The following RABGAP1L variants were observed in gnomAD, a reference collection of about 807,000 sequenced individuals.
The protein encoded by RABGAP1L is rab GTPase-activating protein 1-like.
RABGAP1L carries 63 observed loss-of-function variants against 137.7 expected under a neutral mutation model. The ratio of observed to expected loss-of-function variants is 0.46; its 90% CI spans 0.37 to 0.56. RABGAP1L has a LOEUF of 0.56. Among genes scored for constraint, RABGAP1L ranks in the 20% least tolerant of loss-of-function variants. RABGAP1L has a pLI of 0.00. For missense variants in RABGAP1L, 1,095 were observed against 1,244.0 expected, an observed-to-expected ratio of 0.88 and a Z score of 1.80; for synonymous variants, 431 against 433.7, an observed-to-expected ratio of 0.99 and a Z score of 0.08.
chr1:174,538,833 T>C (rs537833470), intron 13 of RABGAP1L, among the ~76,000 whole-genome samples: 83 of 152,320 alleles, frequency 5.4e-4, no homozygotes, highest in African/African-American at 1.9e-3. Context: ...TATACATGTT[T>C]ATGTATATGT....
chr1:174,917,973 T>C (rs1417934118), intron 19 of RABGAP1L, among the ~76,000 whole-genome samples: 1 of 150,932 alleles, frequency 6.6e-6, no homozygotes, highest in Non-Finnish European at 1.5e-5. Flanking sequence ...TGTATACGTG[T>C]ATTGAGTGCC....
intron 17 of RABGAP1L, among the ~76,000 whole-genome samples, chr1:174,731,929 G>A (rs1449267511): frequency 5.3e-5 from 8 of 152,226 alleles, no homozygotes; most frequent in African/African-American, 1.4e-4. Context: ...TGGGCTGGGC[G>A]TGGTGGTTCA....
intron 11 of RABGAP1L, among the ~76,000 whole-genome samples, chr1:174,331,256 C>A (rs1558138997): frequency 6.6e-6 from 1 of 152,172 alleles, no homozygotes; most frequent in Non-Finnish European, 1.5e-5. Context: ...AGGAGAAACA[C>A]TGTAAGTGAT....
At chr1:174,894,486 C>A (rs951317754) in intron 19 of RABGAP1L, among the ~76,000 whole-genome samples, 1 of 152,172 alleles carries the variant, frequency 6.6e-6, no homozygotes, top group Admixed American at 6.5e-5. Context: ...CAATGACTAC[C>A]TTTTGTAGTG....
In RABGAP1L at chr1:174,948,957, A is replaced by G. The variant is rs537253054; in HGVS notation, c.2341-8500A>G. Reference sequence around the variant, plus strand: ...AAATAAATTAGCCACCTGTACTACAATAAGCACAAATATTTTTTAAAAGAT... The same window carrying G: ...AAATAAATTAGCCACCTGTACTACAGTAAGCACAAATATTTTTTAAAAGAT... On this transcript the variant is annotated intron_variant, in intron 19 of 25. Coordinates refer to ENST00000681986, the MANE Select transcript of RABGAP1L (RefSeq NM_001366446.1). 3 of 152,360 alleles carry G rather than the reference A, an allele frequency of 2.0e-5. No individual in the cohort carries two copies. In the East Asian group the frequency reaches 5.8e-4, roughly 29 times the overall value. The allele number at this position is 152,360 out of a possible 1,614,324, so 9.4% of individuals were successfully genotyped here. A position where few individuals can be genotyped will look rare whatever the true frequency, so the allele number is the denominator to read the frequency against.
chr1:174,823,213 A>G (rs769143228), intron 19 of RABGAP1L, among the ~76,000 whole-genome samples: 1 of 152,166 alleles, frequency 6.6e-6, no homozygotes, highest in African/African-American at 2.4e-5. Context: ...TCAAAACCTA[A>G]TGATTATGCT....
chr1:174,190,288 C>G (rs1263842552), intron 1 of RABGAP1L, among the ~76,000 whole-genome samples: 1 of 127,732 alleles, frequency 7.8e-6, no homozygotes, highest in Admixed American at 9.4e-5. Flanking sequence ...GGTGACAGAG[C>G]GAGACTCCGT....
intron 19 of RABGAP1L, among the ~76,000 whole-genome samples, chr1:174,890,304 T>A (rs1655913137): frequency 6.6e-6 from 1 of 152,214 alleles, no homozygotes; most frequent in Non-Finnish European, 1.5e-5. Flanking sequence ...TTGCACCCTG[T>A]GAACTAACTG....
At chr1:174,375,078 G>T (rs1002638581) in intron 12 of RABGAP1L, among the ~76,000 whole-genome samples, 6 of 152,026 alleles carry the variant, frequency 3.9e-5, no homozygotes, top group African/African-American at 1.4e-4. Flanking sequence ...GGGAAAGGAA[G>T]TAGAGACAGA....
chr1:174,769,560 CG>C (rs1685949173), intron 18 of RABGAP1L, among the ~76,000 whole-genome samples: 1 of 152,092 alleles, frequency 6.6e-6, no homozygotes, highest in South Asian at 2.1e-4. Context: ...TTTACAAGGT[CG>C]GTTGAGTTTT....
chr1:174,425,501 C>G (rs1651846211), intron 13 of RABGAP1L, among the ~76,000 whole-genome samples: 1 of 151,990 alleles, frequency 6.6e-6, no homozygotes, highest in Admixed American at 6.6e-5. Flanking sequence ...ATATTTGCAA[C>G]AAGTGAATTT....
chr1:174,916,641 T>C (rs1409584097), intron 19 of RABGAP1L, among the ~76,000 whole-genome samples: 1 of 152,188 alleles, frequency 6.6e-6, no homozygotes, highest in African/African-American at 2.4e-5. Context: ...GTATACACAA[T>C]CCAAATTTGA....
chr1:174,392,522 A>G (rs984931134), intron 12 of RABGAP1L, among the ~76,000 whole-genome samples: 8 of 152,352 alleles, frequency 5.3e-5, no homozygotes, highest in Admixed American at 2.6e-4. Context: ...CTCTAACCCA[A>G]CAATACAAAA....
At chr1:174,893,108 T>C in intron 19 of RABGAP1L, 1 of 351,766 alleles carries the variant, frequency 2.8e-6, no homozygotes. Flanking sequence ...GGTGACAAAT[T>C]TTTTATAATA....
intron 10 of RABGAP1L, among the ~76,000 whole-genome samples, chr1:174,298,288 C>G (rs1677320144): frequency 6.6e-6 from 1 of 152,146 alleles, no homozygotes. Flanking sequence ...ACCATGAGTA[C>G]CAAAGCTGCT....
chr1:174,693,194 A>G (rs1678999288), intron 15 of RABGAP1L, among the ~76,000 whole-genome samples: 1 of 152,192 alleles, frequency 6.6e-6, no homozygotes, highest in South Asian at 2.1e-4. Flanking sequence ...TGACCTTACT[A>G]AAAATAAAAA....
At chr1:174,501,175 A>G (rs1208061409) in intron 13 of RABGAP1L, among the ~76,000 whole-genome samples, 1 of 151,468 alleles carries the variant, frequency 6.6e-6, no homozygotes, top group Non-Finnish European at 1.5e-5. Context: ...CTGAGACCCT[A>G]CATTTTCTAA....
chr1:174,401,303 C>T (rs1038712994), intron 13 of RABGAP1L, among the ~76,000 whole-genome samples: 1 of 152,078 alleles, frequency 6.6e-6, no homozygotes, highest in African/African-American at 2.4e-5. Context: ...GTCTCACTTC[C>T]TTTTTTGGTA....
At chr1:174,546,759 G>A (rs917413875) in intron 13 of RABGAP1L, among the ~76,000 whole-genome samples, 74 of 152,208 alleles carry the variant, frequency 4.9e-4, no homozygotes, top group Non-Finnish European at 7.4e-4. Context: ...GGCCGGGCGC[G>A]GTGGCTCACG....
Sources: allele counts gnomAD v4.1 joint callset (sites outside exome capture counted in the v4.1 genomes callset), GRCh38; gene constraint gnomAD v4.1.1; transcripts MANE v1.5; gene names NCBI Gene and HGNC (gene_info 2026-07-23, HGNC 2026-07-21).